Variants in FBF1 observed in about 807,000 individuals in gnomAD.
FBF1 encodes Fas binding factor 1.
In FBF1, 119 loss-of-function variants were observed where a neutral mutation model predicts 147.2. The observed-to-expected ratio is 0.81, with a 90% CI of 0.70 to 0.94. The LOEUF (loss-of-function observed/expected upper bound fraction) is 0.94. Among genes scored for constraint, FBF1 ranks in the 40% least tolerant of loss-of-function variants. The pLI, the probability that FBF1 is intolerant of heterozygous loss-of-function variation, is 0.00. For synonymous variants in FBF1, 601 were observed against 609.0 expected (o/e 0.99, Z 0.19); for missense variants, 1,449 against 1,500.8 (o/e 0.97, Z 0.57).
chr17:75,920,841 G>A (rs1420085245), intron 17 of FBF1, among the ~76,000 whole-genome samples: 1 of 151,734 alleles, frequency 6.6e-6, no homozygotes, highest in Admixed American at 6.6e-5. Flanking sequence ...GGGGGGGGGG[G>A]GGGCACACCT....
At chr17:75,924,212 TA>T (rs569403710) in intron 13 of FBF1, among the ~76,000 whole-genome samples, 60 of 151,874 alleles carry the variant, frequency 4.0e-4, no homozygotes, top group Non-Finnish European at 7.7e-4. Context: ...AGACTCTGTC[TA>T]AAAAAAATAA....
rs1381257579 is a variant in FBF1, at chr17:75,923,904, T to C, written c.969-263A>G. On this transcript the variant is annotated intron_variant, in intron 13 of 29. Coordinates refer to ENST00000636174, the MANE Select transcript of FBF1 (RefSeq NM_001319193.2). This position sits in a 1 kb window ranked among gnomAD's most constrained non-coding sequence, Gnocchi z 4.1. ...CAGGAACAGGATCAAATGACAGCCA[T>C]GGGCACACAGGTCTAAAGAAAAATC... Among the ~76,000 whole-genome samples, 1 of 152,088 alleles carries C rather than the reference T, an allele frequency of 6.6e-6. No homozygotes were observed. The highest frequency in any genetic ancestry group is 1.5e-5 in the Non-Finnish European group (1 of 68,018).
chr17:75,931,194 T>C (rs1309400847), intron 6 of FBF1, 35 bp downstream of exon 6: 1 of 1,558,642 alleles, frequency 6.4e-7, no homozygotes, highest in South Asian at 1.2e-5. Flanking sequence ...TTTCTGGGGA[T>C]AAGTAGGGAG....
chr17:75,913,883 C>A, intron 27 of FBF1, 30 bp downstream of exon 27: 1 of 1,551,576 alleles, frequency 6.4e-7, no homozygotes, highest in Non-Finnish European at 8.7e-7. Flanking sequence ...GTGCCGGGGG[C>A]AGGGGCGCCA....
At chr17:75,915,206 G>A in intron 23 of FBF1, 67 bp from the exon 24 acceptor site, 1 of 1,534,468 alleles carries the variant, frequency 6.5e-7, no homozygotes, top group Non-Finnish European at 8.7e-7. Flanking sequence ...GCCACTCCCT[G>A]AGAAGCTGCA....
Position 75,925,559 on chromosome 17 carries a change from G to T in FBF1, c.869-113C>A. Reference sequence around the variant, plus strand: ...GGTAGCTTGTTGTGTAAGACAAGCAGAGGGAAGCTGCTGTGAAGGGAGCAC... The same window carrying T: ...GGTAGCTTGTTGTGTAAGACAAGCATAGGGAAGCTGCTGTGAAGGGAGCAC... On this transcript the variant is annotated intron_variant, in intron 12 of 29. Coordinates refer to ENST00000636174, the MANE Select transcript of FBF1 (RefSeq NM_001319193.2). The surrounding 1 kb of genome is among the most constrained non-coding windows in gnomAD (Gnocchi z 5.0). 1 of 902,028 alleles carries T rather than the reference G, an allele frequency of 1.1e-6. No homozygotes were observed. The allele number at this position is 902,028 out of a possible 1,614,324, so 55.9% of individuals were successfully genotyped here.
intron 1 of FBF1, among the ~76,000 whole-genome samples, chr17:75,940,303 C>T (rs2065654910): frequency 6.6e-6 from 1 of 151,252 alleles, no homozygotes; most frequent in Non-Finnish European, 1.5e-5. Context: ...AGTGCAGTGG[C>T]ACGATCACAG....
intron 4 of FBF1, among the ~76,000 whole-genome samples, chr17:75,934,628 C>G (rs901445538): frequency 6.6e-6 from 1 of 151,328 alleles, no homozygotes; most frequent in Non-Finnish European, 1.5e-5. Flanking sequence ...CCTGTAATCC[C>G]AGCACTTTGG....
rs1171425961 is a variant in FBF1 at position 75,927,382 on chromosome 17, G to A, written c.475+73C>T. 5.2e-6 allele frequency: 7 copies of A among 1,348,940 alleles called. No homozygotes were observed. In the East Asian group the frequency reaches 1.5e-4, roughly 29 times the overall value. The allele number at this position is 1,348,940 out of a possible 1,614,324, so 83.6% of individuals were successfully genotyped here. On this transcript the variant is annotated intron_variant, in intron 9 of 29. Transcript: ENST00000636174. ...GACATAGGCAGCAGCTGGGCCTCGG[G>A]CCAGCAAGCATGCCTAGGCTGCTCC...
chr17:75,933,392 AGGCTGGAATACATG>A (rs1211045808), intron 4 of FBF1, among the ~76,000 whole-genome samples: 3 of 152,178 alleles, frequency 2.0e-5, no homozygotes, highest in East Asian at 1.9e-4. Context: ...CCAAAACTGT[AGGCTGGAATACATG>A]GGCTGGAATA....
intron 17 of FBF1, 91 bp from the exon 18 acceptor site, chr17:75,920,520 C>T: frequency 2.3e-6 from 3 of 1,330,386 alleles, no homozygotes; most frequent in Non-Finnish European, 3.1e-6. Flanking sequence ...CTCACTGGAC[C>T]TCCCTGCATC....
In FBF1 at chr17:75,928,063, G is replaced by A. The variant is rs779659308; in HGVS notation, c.397+13C>T. The A allele has an allele frequency of 1.2e-6, 2 of 1,608,454 alleles. No homozygotes were observed. The highest frequency in any genetic ancestry group is 1.3e-5 in the African/African-American group (1 of 74,730). On this transcript the variant is annotated intron_variant, in intron 8 of 29. Transcript: ENST00000636174. This position sits in a 1 kb window ranked among gnomAD's most constrained non-coding sequence, Gnocchi z 4.2. ...CGTCTCCCATGCACCTTTCTCACTG[G>A]CTACTGACCCACCTGCAGGCTTGGG... is the stretch of plus-strand genomic sequence containing the variant.
Position 75,928,802 on chromosome 17 carries a change from C to T in FBF1, c.280-609G>A, listed in dbSNP as rs1195677043. ...CAGCCTAGGCAACAGAGCAAGACTC[C>T]GTCTCAAAAAAATAAAAATAAATTA... On this transcript the variant is annotated intron_variant, in intron 7 of 29. Coordinates refer to ENST00000636174, the MANE Select transcript of FBF1 (RefSeq NM_001319193.2). The surrounding 1 kb of genome is among the most constrained non-coding windows in gnomAD (Gnocchi z 4.2). Among the ~76,000 whole-genome samples the T allele has an allele frequency of 2.0e-5, 3 of 151,452 alleles. No individual in the cohort carries two copies. The highest frequency in any genetic ancestry group is 2.9e-5 in the Non-Finnish European group (2 of 67,928).
Position 75,914,272 on chromosome 17 carries a change from G to A in FBF1, c.2841C>T (p.Ala947=), listed in dbSNP as rs1018549088. ...GCTTCTCCTCGGCCCGGAGCTCGCTGGCCCTGATCTTCAGCTCAGCCTGCT... is the reference window on the plus strand; with the variant it reads ...GCTTCTCCTCGGCCCGGAGCTCGCTAGCCCTGATCTTCAGCTCAGCCTGCT... ...AKEQAELKIR[A]SELRAEEKQL... is the part of the protein sequence containing the mutation. Residue 947 remains alanine (A), a synonymous_variant, in exon 26 of 30, where the codon GCC becomes GCT. Transcript: ENST00000636174. 1.3e-6 allele frequency: 2 copies of A among 1,592,748 alleles called. No individual in the cohort carries two copies. Among genetic ancestry groups the A allele is most frequent in the Non-Finnish European group, 1.7e-6 (2 of 1,173,636 alleles).
At chr17:75,920,702 C>T (rs908607298) in intron 17 of FBF1, among the ~76,000 whole-genome samples, 3 of 152,212 alleles carry the variant, frequency 2.0e-5, no homozygotes, top group African/African-American at 7.2e-5. Flanking sequence ...ATGGCTGAAC[C>T]CCAGCAGAGT....
At position 75,926,418 on chromosome 17, in the gene FBF1, T is replaced by G; in HGVS notation, c.604A>C (p.Ile202Leu). 5 of 1,567,474 alleles carry G rather than the reference T, an allele frequency of 3.2e-6. No homozygotes were observed. Among genetic ancestry groups the G allele is most frequent in the Non-Finnish European group, 3.5e-6 (4 of 1,159,020 alleles). The change falls in exon 11 of 30, where the codon ATT becomes CTT. Residue 202 changes from isoleucine to leucine, a missense_variant. Coordinates refer to ENST00000636174, the MANE Select transcript of FBF1 (RefSeq NM_001319193.2). ...GGGGTGTCCCCAGGAGTTAGAGGAATAGAGGGACCTGAAAGACAAAACAAG... is the reference window on the plus strand; with the variant it reads ...GGGGTGTCCCCAGGAGTTAGAGGAAGAGAGGGACCTGAAAGACAAAACAAG... ...PSTVRDQGPS[I>L]PLTPGDTPIR...
Position 75,923,105 on chromosome 17 carries a change from G to T in FBF1, c.1424+81C>A. On this transcript the variant is annotated intron_variant, in intron 14 of 29. Coordinates refer to ENST00000636174, the MANE Select transcript of FBF1 (RefSeq NM_001319193.2). The surrounding 1 kb of genome is among the most constrained non-coding windows in gnomAD (Gnocchi z 4.1). ...TGTTCCCCAACTGCTGACTGAGGCT[G>T]CAACAGGTGAAGGGGCAAAGGGGCT... 7.4e-7 allele frequency: 1 copy of T among 1,353,072 alleles called. No homozygotes were observed. Among genetic ancestry groups the T allele is most frequent in the Non-Finnish European group, 9.9e-7 (1 of 1,005,418 alleles). The allele number at this position is 1,353,072 out of a possible 1,614,324, so 83.8% of individuals were successfully genotyped here. A position where few individuals can be genotyped will look rare whatever the true frequency, so the allele number is the denominator to read the frequency against.
chr17:75,931,370 C>T (rs2065593777), intron 5 of FBF1, 81 bp from the exon 6 acceptor site: 1 of 1,284,776 alleles, frequency 7.8e-7, no homozygotes, highest in South Asian at 1.3e-5. Flanking sequence ...GCTTAGAAAG[C>T]CCAAGGAATC....
chr17:75,936,562 T>A (rs1598163052), intron 3 of FBF1, among the ~76,000 whole-genome samples: 1 of 147,522 alleles, frequency 6.8e-6, no homozygotes, highest in Non-Finnish European at 1.5e-5. Flanking sequence ...GTAATCCCAA[T>A]TACTGGGGAG....
Sources: allele counts gnomAD v4.1 joint callset (sites outside exome capture counted in the v4.1 genomes callset), GRCh38; gene constraint gnomAD v4.1.1; non-coding constraint Gnocchi (gnomAD v3.1); transcripts MANE v1.5; gene names NCBI Gene and HGNC (gene_info 2026-07-23, HGNC 2026-07-21).